The following EBF2 variants were observed in gnomAD, a reference collection of about 807,000 sequenced individuals.
The protein encoded by EBF2 is transcription factor COE2.
In EBF2, 21 loss-of-function variants were observed where a neutral mutation model predicts 72.8. The observed-to-expected ratio is 0.29, with a 90% CI of 0.20 to 0.42. The LOEUF (loss-of-function observed/expected upper bound fraction) is 0.42, where lower values mean the gene tolerates loss of function less well. Ranked by LOEUF, EBF2 falls within the 10% of genes least tolerant of loss-of-function variation. EBF2 has a pLI of 1.00. For missense variants in EBF2, 637 were observed against 731.2 expected (o/e 0.87, Z 1.49); for synonymous variants, 299 against 274.2 (o/e 1.09, Z -0.89).
intron 6 of EBF2, among the ~76,000 whole-genome samples, chr8:25,936,350 C>T (rs993947044): frequency 6.6e-6 from 1 of 152,186 alleles, no homozygotes; most frequent in Non-Finnish European, 1.5e-5. Context: ...GGCTGCAGTT[C>T]TAAGGCAAAC....
chr8:25,875,722 G>A (rs1338303105), intron 10 of EBF2, among the ~76,000 whole-genome samples: 1 of 152,100 alleles, frequency 6.6e-6, no homozygotes, highest in Non-Finnish European at 1.5e-5. Context: ...CCTTCCCAAG[G>A]GTAGAGTGCT....
rs114645174 is a variant in EBF2, at chr8:25,846,192, A to G, written c.1697-1552T>C. The stretch of plus-strand genomic sequence containing the variant: ...ACACTCCCTGATGACTTAGAGATAT[A>G]GCAACCCTAGTAATTATCCCAGAGT... On this transcript the variant is annotated intron_variant, in intron 15 of 15. Transcript: ENST00000520164. Among the ~76,000 whole-genome samples the G allele has an allele frequency of 8.7e-3, 1,323 of 152,316 alleles. 19 individuals are homozygous for G. Among genetic ancestry groups the G allele is most frequent in the African/African-American group, 0.03 (1,257 of 41,562 alleles).
At chr8:25,850,807 T>G (rs1801951949) in intron 14 of EBF2, 46 bp from the exon 15 acceptor site, 1 of 1,532,488 alleles carries the variant, frequency 6.5e-7, no homozygotes, top group South Asian at 1.3e-5. Flanking sequence ...AAGATCTTCC[T>G]TCAGTTCACA....
chr8:25,907,263 T>C (rs1159281923), intron 7 of EBF2, among the ~76,000 whole-genome samples: 1 of 150,412 alleles, frequency 6.6e-6, no homozygotes, highest in East Asian at 2.0e-4. Flanking sequence ...TACCAAAAAA[T>C]ACAAAAATTA....
chr8:26,002,055 C>T (rs1233882246), intron 6 of EBF2, among the ~76,000 whole-genome samples: 1 of 152,172 alleles, frequency 6.6e-6, no homozygotes, highest in Non-Finnish European at 1.5e-5. Context: ...AGAAAGGCCT[C>T]AGTATCACCC....
intron 6 of EBF2, among the ~76,000 whole-genome samples, chr8:26,004,894 A>G (rs1207914630): frequency 6.6e-6 from 1 of 151,898 alleles, no homozygotes; most frequent in Non-Finnish European, 1.5e-5. Context: ...ACCTCATTCC[A>G]TAAAATAGAG....
intron 15 of EBF2, among the ~76,000 whole-genome samples, chr8:25,846,067 G>A (rs138143082): frequency 9.9e-5 from 15 of 152,170 alleles, no homozygotes; most frequent in African/African-American, 3.4e-4. Flanking sequence ...GTGAGATCTG[G>A]ATTAAGGTCT....
chr8:26,044,260 C>T lies in EBF2; in HGVS notation c.131+469G>A, dbSNP rs1805661494. Among the ~76,000 whole-genome samples, 1 of 152,296 alleles carries T rather than the reference C, an allele frequency of 6.6e-6. No homozygotes were observed. Among genetic ancestry groups the T allele is most frequent in the Admixed American group, 6.5e-5 (1 of 15,304 alleles). On this transcript the variant is annotated intron_variant, in intron 1 of 15. Transcript: ENST00000520164. This position sits in a 1 kb window ranked among gnomAD's most constrained non-coding sequence, Gnocchi z 4.1. Reference sequence around the variant, plus strand: ...CGCCACCCTCTGGCCGCCGGCCTCCCAGGCTCCAGGAATCGCCCAGCAAGA... The same window carrying T: ...CGCCACCCTCTGGCCGCCGGCCTCCTAGGCTCCAGGAATCGCCCAGCAAGA...
At chr8:26,036,841 C>A (rs191360767) in intron 5 of EBF2, among the ~76,000 whole-genome samples, 12 of 151,948 alleles carry the variant, frequency 7.9e-5, no homozygotes, top group Middle Eastern at 3.4e-3. Context: ...CTCCAACAAG[C>A]AAGTCTGAAG....
intron 13 of EBF2, among the ~76,000 whole-genome samples, chr8:25,860,487 C>CT (rs57717365): frequency 0.012 from 1,734 of 139,434 alleles, 26 homozygotes; most frequent in African/African-American, 0.032. Flanking sequence ...ATACCCAATC[C>CT]TTTTTTTTTT....
intron 6 of EBF2, among the ~76,000 whole-genome samples, chr8:25,936,479 C>A (rs1018574343): frequency 2.6e-5 from 4 of 152,062 alleles, no homozygotes; most frequent in Admixed American, 6.6e-5. Context: ...ACCATGGGAA[C>A]CCCAAATTGT....
At chr8:25,926,435 T>C (rs1294619175) in intron 6 of EBF2, among the ~76,000 whole-genome samples, 1 of 152,210 alleles carries the variant, frequency 6.6e-6, no homozygotes, top group Non-Finnish European at 1.5e-5. Flanking sequence ...GATGAGATGA[T>C]GATCAAGTCT....
At chr8:26,003,238 A>G (rs1283066988) in intron 6 of EBF2, among the ~76,000 whole-genome samples, 1 of 152,044 alleles carries the variant, frequency 6.6e-6, no homozygotes, top group Non-Finnish European at 1.5e-5. Flanking sequence ...CTCTGGAAAA[A>G]CTTGCAAAAA....
chr8:25,850,951 A>C (rs1470451924), intron 14 of EBF2, among the ~76,000 whole-genome samples, 190 bp from the exon 15 acceptor site: 1 of 152,140 alleles, frequency 6.6e-6, no homozygotes, highest in Admixed American at 6.5e-5. Flanking sequence ...TAAAACAACT[A>C]ATATGGTAAT....
At chr8:25,998,087 T>C (rs1027835920) in intron 6 of EBF2, among the ~76,000 whole-genome samples, 5 of 152,222 alleles carry the variant, frequency 3.3e-5, no homozygotes, top group South Asian at 2.1e-4. Context: ...AAGATGTGAA[T>C]AACATTAATG....
In EBF2 at chr8:25,944,976, T is replaced by C. The variant is rs1258442384; in HGVS notation, c.552-36421A>G. On this transcript the variant is annotated intron_variant, in intron 6 of 15. Coordinates refer to ENST00000520164, the MANE Select transcript of EBF2 (RefSeq NM_022659.4). The stretch of plus-strand genomic sequence containing the variant: ...CAAAGTTGTTTAACCCTCTGGGCTT[T>C]AGATTTTTCAAAAGTAAAACAAAGC... 2.6e-5 allele frequency among the ~76,000 whole-genome samples: 4 copies of C among 152,148 alleles called. No individual in the cohort carries two copies. The East Asian group carries it at 7.7e-4, about 29-fold the overall frequency.
At chr8:25,964,674 G>A (rs1028247298) in intron 6 of EBF2, among the ~76,000 whole-genome samples, 5 of 152,156 alleles carry the variant, frequency 3.3e-5, no homozygotes, top group Admixed American at 2.6e-4. Flanking sequence ...CATTCCCAGA[G>A]AGGAGAGTTA....
chr8:26,038,463 C>T (rs966249081), intron 5 of EBF2, among the ~76,000 whole-genome samples: 1 of 152,126 alleles, frequency 6.6e-6, no homozygotes, highest in Non-Finnish European at 1.5e-5. Flanking sequence ...CTGGATGGGG[C>T]ATGCAAGTAT....
intron 10 of EBF2, among the ~76,000 whole-genome samples, chr8:25,877,816 G>T (rs909529622): frequency 2.0e-5 from 3 of 152,098 alleles, no homozygotes; most frequent in Admixed American, 6.5e-5. Context: ...CCCTCCCACG[G>T]GTGGAGTGCT....
Sources: allele counts gnomAD v4.1 joint callset (sites outside exome capture counted in the v4.1 genomes callset), GRCh38; gene constraint gnomAD v4.1.1; non-coding constraint Gnocchi (gnomAD v3.1); transcripts MANE v1.5; gene names NCBI Gene and HGNC (gene_info 2026-07-23, HGNC 2026-07-21).